PCDHGA3: variants seen among roughly 807,000 people sequenced by gnomAD.
The protein encoded by PCDHGA3 is protocadherin gamma subfamily A, 3.
In PCDHGA3, 40 loss-of-function variants were observed where a neutral mutation model predicts 58.5. The ratio of observed to expected loss-of-function variants is 0.68; its 90% CI spans 0.53 to 0.89. PCDHGA3 has a LOEUF of 0.89. PCDHGA3 is among the 40% of genes least tolerant of loss of function. The probability of loss-of-function intolerance (pLI) is 0.00; values close to 1 mark genes in which losing one functional copy is unlikely to be tolerated. For missense variants in PCDHGA3, 1,223 were observed against 1,195.9 expected (o/e 1.02, Z -0.33); for synonymous variants, 530 against 525.7 (o/e 1.01, Z -0.11).
intron 1 of PCDHGA3, chr5:141,421,199 A>C (rs991814876): frequency 2.0e-6 from 3 of 1,514,716 alleles, no homozygotes; most frequent in Non-Finnish European, 2.6e-6. Context: ...CAGCTCGAGA[A>C]ACCGCGGAAT....
chr5:141,474,208 A>C (rs1243312558), intron 1 of PCDHGA3, among the ~76,000 whole-genome samples: 1 of 152,242 alleles, frequency 6.6e-6, no homozygotes, highest in Non-Finnish European at 1.5e-5. Context: ...TGATTTTCAA[A>C]AACCAGATTG....
At chr5:141,392,644 A>C in intron 1 of PCDHGA3, 1 of 663,560 alleles carries the variant, frequency 1.5e-6, no homozygotes, top group Non-Finnish European at 2.4e-6. Flanking sequence ...CACCTCACGA[A>C]GACCCGCAGA....
intron 2 of PCDHGA3, among the ~76,000 whole-genome samples, chr5:141,504,621 T>A (rs1185981312): frequency 7.9e-6 from 1 of 126,856 alleles, no homozygotes; most frequent in Non-Finnish European, 1.6e-5. Flanking sequence ...GATAGGAAAG[T>A]GCACCTTGGA....
chr5:141,373,481 C>T (rs570555683), intron 1 of PCDHGA3, among the ~76,000 whole-genome samples: 13 of 152,328 alleles, frequency 8.5e-5, no homozygotes, highest in Non-Finnish European at 1.8e-4. Context: ...TATAATTGTG[C>T]CCCTGCACTC....
intron 1 of PCDHGA3, among the ~76,000 whole-genome samples, chr5:141,455,907 ATTTATTTT>A (rs1199495676): frequency 7.1e-5 from 9 of 126,872 alleles, no homozygotes; most frequent in African/African-American, 1.1e-4. Context: ...TTATTTATTT[ATTTATTTT>A]GAGACGGAGT....
intron 1 of PCDHGA3, chr5:141,419,861 T>G (rs749551833): frequency 6.2e-7 from 1 of 1,614,098 alleles, no homozygotes; most frequent in Non-Finnish European, 8.5e-7. Context: ...CGCAGATAGC[T>G]TGCAAGAGGT....
chr5:141,373,179 T>G (rs576905646), intron 1 of PCDHGA3, among the ~76,000 whole-genome samples: 1 of 152,360 alleles, frequency 6.6e-6, no homozygotes, highest in East Asian at 1.9e-4. Flanking sequence ...TCCTAAAATA[T>G]ATGAAACATT....
At chr5:141,472,453 T>C (rs2099281194) in intron 1 of PCDHGA3, among the ~76,000 whole-genome samples, 1 of 151,726 alleles carries the variant, frequency 6.6e-6, no homozygotes, top group African/African-American at 2.4e-5. Flanking sequence ...GGCAGGAGAA[T>C]CGCTTGAACC....
chr5:141,399,097 G>GT (rs1217179640), intron 1 of PCDHGA3: 2 of 1,613,816 alleles, frequency 1.2e-6, no homozygotes, highest in Admixed American at 3.3e-5. Flanking sequence ...TGGTGGACTG[G>GT]TTGCACAATG....
At chr5:141,437,381 C>T (rs2097879875) in intron 1 of PCDHGA3, among the ~76,000 whole-genome samples, 1 of 152,222 alleles carries the variant, frequency 6.6e-6, no homozygotes, top group Non-Finnish European at 1.5e-5. Flanking sequence ...AGTCAGAAGA[C>T]ATTCATCCAC....
In PCDHGA3 at chr5:141,344,605, A is replaced by G; in HGVS notation, c.572A>G (p.Tyr191Cys). ...AVNSVSEGAK[Y>C]PELVLERALD... is the part of the protein sequence containing the mutation. ...AATAGCGTCTCTGAGGGGGCCAAGT[A>G]TCCAGAGCTGGTGCTGGAGCGGGCC... The change falls in exon 1 of 4, where the codon TAT becomes TGT. Residue 191 changes from tyrosine (Y) to cysteine (C), a missense_variant. Tyr to Cys is a radical substitution (Grantham distance 194). Coordinates refer to ENST00000253812, the MANE Select transcript of PCDHGA3 (RefSeq NM_018916.4). The G allele has an allele frequency of 6.2e-7, 1 of 1,613,998 alleles. No individual in the cohort carries two copies. The highest frequency in any genetic ancestry group is 8.5e-7 in the Non-Finnish European group (1 of 1,179,890).
chr5:141,382,941 C>T (rs750185010), intron 1 of PCDHGA3: 2 of 1,594,792 alleles, frequency 1.3e-6, no homozygotes, highest in Non-Finnish European at 1.7e-6. Context: ...GAGGATTCTT[C>T]CTGCTCTCCA....
In PCDHGA3 at chr5:141,350,215, T is replaced by A. The variant is rs760087055; in HGVS notation, c.2424+3758T>A. 8.7e-6 allele frequency: 13 copies of A among 1,489,630 alleles called. No individual in the cohort carries two copies. In the South Asian group the frequency reaches 1.6e-4, roughly 18 times the overall value. The allele number at this position is 1,489,630 out of a possible 1,614,324, so 92.3% of individuals were successfully genotyped here. On this transcript the variant is annotated intron_variant, in intron 1 of 3. Coordinates refer to ENST00000253812, the MANE Select transcript of PCDHGA3 (RefSeq NM_018916.4). ...AAGTCCAGGGTGCTGCCATTTCTTT[T>A]TGAAAAACATCCCAGAGGAAAGAAG...
intron 1 of PCDHGA3, chr5:141,399,606 G>A: frequency 1.2e-6 from 2 of 1,613,956 alleles, no homozygotes; most frequent in Non-Finnish European, 1.7e-6. Context: ...GCGACCTAGA[G>A]CCTCTGGCAC....
At chr5:141,410,807 T>C in intron 1 of PCDHGA3, 1 of 647,592 alleles carries the variant, frequency 1.5e-6, no homozygotes, top group Non-Finnish European at 2.4e-6. Flanking sequence ...CTCTATCTTT[T>C]TGTAAAATAA....
intron 1 of PCDHGA3, chr5:141,394,304 G>T (rs1317596371): frequency 1.2e-6 from 2 of 1,613,932 alleles, no homozygotes; most frequent in Admixed American, 1.7e-5. Flanking sequence ...ACACGCTGCA[G>T]GGGGCGCCCC....
At chr5:141,437,426 C>G (rs531265278) in intron 1 of PCDHGA3, among the ~76,000 whole-genome samples, 2 of 152,150 alleles carry the variant, frequency 1.3e-5, no homozygotes, top group Non-Finnish European at 2.9e-5. Context: ...CTTTTTGAAG[C>G]AGCAATAGCA....
chr5:141,345,589 C>T lies in PCDHGA3; in HGVS notation c.1556C>T (p.Ser519Phe). The change falls in exon 1 of 4, where the codon TCC becomes TTC. Residue 519 changes from serine (S) to phenylalanine (F), a missense_variant. By Grantham distance (155) the Ser-to-Phe change is radical. This residue lies in a region of PCDHGA3 where 791 missense variants were observed against 708.5 expected (regional missense o/e 1.12). Transcript: ENST00000253812. ...ACTGGCGTCCTATACGCGCTGAGAT[C>T]CTTCGACTACGAGCAATTTAGAGAC... Reference protein sequence around the residue: ...SNTGVLYALRSFDYEQFRDLK... With the variant: ...SNTGVLYALRFFDYEQFRDLK... 1 of 1,614,208 alleles carries T rather than the reference C, an allele frequency of 6.2e-7. No individual in the cohort carries two copies. The highest frequency in any genetic ancestry group is 8.5e-7 in the Non-Finnish European group (1 of 1,180,038).
intron 1 of PCDHGA3, chr5:141,408,406 G>T (rs750833105): frequency 5.0e-6 from 8 of 1,614,066 alleles, no homozygotes; most frequent in East Asian, 2.2e-5. Flanking sequence ...AGCTGCGAGT[G>T]AGCGCGGAGA....
Sources: gnomAD v4.1 joint callset for allele counts (sites outside exome capture counted in the v4.1 genomes callset) on GRCh38, gnomAD v4.1.1 for gene constraint, gnomAD v4.1.1 regional missense constraint, MANE v1.5 for transcripts, NCBI Gene and HGNC (gene_info 2026-07-23, HGNC 2026-07-21) for gene names.